FGD6: variants seen among roughly 807,000 people sequenced by gnomAD.
FGD6 encodes the protein FYVE, RhoGEF and PH domain-containing protein 6.
In FGD6, 90 loss-of-function variants were observed where a neutral mutation model predicts 149.4. The ratio of observed to expected loss-of-function variants is 0.60; its 90% CI spans 0.51 to 0.72. The LOEUF (loss-of-function observed/expected upper bound fraction) is 0.72. FGD6 is among the 30% of genes least tolerant of loss of function. FGD6 has a pLI of 0.00. For synonymous variants in FGD6, 527 were observed against 584.0 expected (o/e 0.90, Z 1.41); for missense variants, 1,437 against 1,684.8 (o/e 0.85, Z 2.57).
chr12:95,108,363 A>G lies in FGD6; in HGVS notation c.3249T>C (p.Ile1083=). 6.2e-7 allele frequency: 1 copy of G among 1,614,016 alleles called. No homozygotes were observed. The highest frequency in any genetic ancestry group is 2.2e-5 in the East Asian group (1 of 44,890). The change falls in exon 11 of 21, where the codon ATT becomes ATC. Residue 1083 remains isoleucine, a synonymous_variant. Coordinates refer to ENST00000343958, the MANE Select transcript of FGD6 (RefSeq NM_018351.4). ...IQYSLNGHHE[I]VQPGRVFLKE... is the part of the protein sequence containing the mutation. ...AAATGCTTACCCGACCAGGCTGCAC[A>G]ATTTCATGGTGTCCATTTAAGCTGT...
At chr12:95,148,087 G>C (rs1320610977) in intron 5 of FGD6, among the ~76,000 whole-genome samples, 1 of 152,108 alleles carries the variant, frequency 6.6e-6, no homozygotes. Flanking sequence ...TCACATGAAA[G>C]AAGCTGCTCC....
Position 95,081,421 on chromosome 12 carries a change from T to G in FGD6, c.*99A>C. The G allele has an allele frequency of 9.5e-7, 1 of 1,052,568 alleles. No homozygotes were observed. Among genetic ancestry groups the G allele is most frequent in the African/African-American group, 1.6e-5 (1 of 62,350 alleles). The allele number at this position is 1,052,568 out of a possible 1,614,324, so 65.2% of individuals were successfully genotyped here. On this transcript the variant is annotated 3_prime_UTR_variant, in exon 21 of 21. Coordinates refer to ENST00000343958, the MANE Select transcript of FGD6 (RefSeq NM_018351.4). The stretch of plus-strand genomic sequence containing the variant: ...GATGAAGGGTCTGGTTGGCTTTATC[T>G]TGGCAGTGTTCATTTTTATACAATT...
intron 13 of FGD6, 73 bp downstream of exon 13, chr12:95,106,881 G>A: frequency 2.6e-6 from 3 of 1,159,696 alleles, no homozygotes; most frequent in Non-Finnish European, 3.8e-6. Context: ...GTGACAGAAT[G>A]AGACCCCGTC....
chr12:95,153,838 T>C (rs1041831208), intron 3 of FGD6, among the ~76,000 whole-genome samples: 2 of 152,114 alleles, frequency 1.3e-5, no homozygotes, highest in African/African-American at 2.4e-5. Flanking sequence ...GCTCTCCGAA[T>C]TTCCTTAAAA....
intron 17 of FGD6, among the ~76,000 whole-genome samples, chr12:95,091,488 G>T (rs893212778): frequency 2.6e-5 from 4 of 152,128 alleles, no homozygotes; most frequent in African/African-American, 9.7e-5. Flanking sequence ...CATTTCTACA[G>T]TTTTCTTAGC....
chr12:95,128,642 C>A (rs1014732377), intron 8 of FGD6, among the ~76,000 whole-genome samples: 1 of 152,190 alleles, frequency 6.6e-6, no homozygotes, highest in Non-Finnish European at 1.5e-5. Context: ...AAGATCAATA[C>A]AATTTTTAGG....
chr12:95,156,872 G>A (rs938429719), intron 3 of FGD6, among the ~76,000 whole-genome samples: 3 of 151,894 alleles, frequency 2.0e-5, no homozygotes, highest in South Asian at 2.1e-4. Flanking sequence ...GGTGAATTCC[G>A]CCCAATATCT....
intron 1 of FGD6, among the ~76,000 whole-genome samples, chr12:95,211,542 C>CT (rs59361079): frequency 0.52 from 74,228 of 142,246 alleles, 19,398 homozygotes; most frequent in Admixed American, 0.57. Flanking sequence ...TCTTTTTCTT[C>CT]TTTTTTTTTT....
chr12:95,078,938 A>T lies in FGD6; in HGVS notation c.*2582T>A, dbSNP rs1343466934. On this transcript the variant is annotated 3_prime_UTR_variant, in exon 21 of 21. Transcript: ENST00000343958. Reference sequence around the variant, plus strand: ...GGGTTTGATGGAAGCACAGGCACACATATCTGTATAATAAATATAGTATCC... The same window carrying T: ...GGGTTTGATGGAAGCACAGGCACACTTATCTGTATAATAAATATAGTATCC... 2 of 152,232 alleles carry T rather than the reference A, an allele frequency of 1.3e-5. No individual in the cohort carries two copies. The highest frequency in any genetic ancestry group is 1.3e-4 in the Admixed American group (2 of 15,274). The allele number at this position is 152,232 out of a possible 1,614,324, so 9.4% of individuals were successfully genotyped here.
At chr12:95,083,557 T>C (rs1426195030) in intron 20 of FGD6, among the ~76,000 whole-genome samples, 1 of 152,186 alleles carries the variant, frequency 6.6e-6, no homozygotes, top group Non-Finnish European at 1.5e-5. Context: ...TTTAAAAATA[T>C]TCTCCAGTAG....
At chr12:95,093,549 GC>G (rs1878136419) in intron 15 of FGD6, among the ~76,000 whole-genome samples, 2 of 152,042 alleles carry the variant, frequency 1.3e-5, no homozygotes, top group Non-Finnish European at 2.9e-5. Flanking sequence ...GGTGGCGCAT[GC>G]CTGTAATCCC....
chr12:95,150,924 A>G (rs1042739651), intron 5 of FGD6, among the ~76,000 whole-genome samples: 3 of 152,084 alleles, frequency 2.0e-5, no homozygotes, highest in Non-Finnish European at 2.9e-5. Context: ...GCTAAAACCC[A>G]TCTCCACTAA....
intron 2 of FGD6, among the ~76,000 whole-genome samples, chr12:95,179,733 T>C (rs770975215): frequency 2.6e-5 from 4 of 152,050 alleles, no homozygotes; most frequent in Non-Finnish European, 4.4e-5. Flanking sequence ...CTTCCTTCAA[T>C]AGCCATTAAA....
chr12:95,119,100 A>AGAT (rs1251949961), intron 8 of FGD6, among the ~76,000 whole-genome samples: 5 of 151,982 alleles, frequency 3.3e-5, no homozygotes, highest in Non-Finnish European at 7.4e-5. Flanking sequence ...CTAAGTCTTT[A>AGAT]GATGATGATG....
intron 8 of FGD6, among the ~76,000 whole-genome samples, chr12:95,130,871 G>T (rs1373153056): frequency 6.6e-6 from 1 of 152,070 alleles, no homozygotes; most frequent in African/African-American, 2.4e-5. Flanking sequence ...CAGTTAACAG[G>T]ATGGATCACT....
intron 3 of FGD6, among the ~76,000 whole-genome samples, chr12:95,164,437 C>T (rs1880738217): frequency 6.9e-6 from 1 of 145,566 alleles, no homozygotes; most frequent in South Asian, 2.2e-4. Flanking sequence ...TTATCCATTC[C>T]TTTTTTTTTT....
At chr12:95,091,641 A>G in intron 17 of FGD6, 66 bp downstream of exon 17, 1 of 1,084,240 alleles carries the variant, frequency 9.2e-7, no homozygotes, top group South Asian at 1.4e-5. Context: ...TGTTTCTCTC[A>G]GAAGGTTGTT....
intron 8 of FGD6, among the ~76,000 whole-genome samples, chr12:95,129,368 A>C (rs1010516273): frequency 1.3e-5 from 2 of 150,406 alleles, no homozygotes; most frequent in African/African-American, 4.9e-5. Flanking sequence ...TCCATCCAAC[A>C]TTCATTGCTG....
intron 19 of FGD6, among the ~76,000 whole-genome samples, 171 bp from the exon 20 acceptor site, chr12:95,084,817 A>C (rs1877805776): frequency 6.6e-6 from 1 of 152,022 alleles, no homozygotes; most frequent in Non-Finnish European, 1.5e-5. Context: ...TCATTGAGCC[A>C]CTCCCTCCCT....
Sources: allele counts gnomAD v4.1 joint callset (sites outside exome capture counted in the v4.1 genomes callset), GRCh38; gene constraint gnomAD v4.1.1; transcripts MANE v1.5; gene names NCBI Gene and HGNC (gene_info 2026-07-23, HGNC 2026-07-21).